Variants in AFF3 observed in about 807,000 individuals in gnomAD.
AFF3 encodes ALF transcription elongation factor 3.
In AFF3, 32 loss-of-function variants were observed where a neutral mutation model predicts 129.7. The ratio of observed to expected loss-of-function variants is 0.25; its 90% CI spans 0.19 to 0.33. AFF3 has a LOEUF of 0.33. Ranked by LOEUF, AFF3 falls within the 10% of genes least tolerant of loss-of-function variation. The pLI, the probability that AFF3 is intolerant of heterozygous loss-of-function variation, is 1.00. For missense variants in AFF3, 1,373 were observed against 1,592.0 expected, an observed-to-expected ratio of 0.86 and a Z score of 2.34; for synonymous variants, 644 against 635.4, an observed-to-expected ratio of 1.01 and a Z score of -0.20.
intron 13 of AFF3, among the ~76,000 whole-genome samples, chr2:99,617,683 T>A (rs1681574781): frequency 6.6e-6 from 1 of 152,230 alleles, no homozygotes; most frequent in African/African-American, 2.4e-5. Context: ...TATTTTTCTT[T>A]TGTCACTTGT....
chr2:100,117,293 T>C (rs1316748618), intron 2 of AFF3, among the ~76,000 whole-genome samples: 1 of 152,200 alleles, frequency 6.6e-6, no homozygotes, highest in Non-Finnish European at 1.5e-5. Context: ...GCTGTCTTTC[T>C]ATCTTTTACT....
chr2:100,023,884 C>T (rs959551882), intron 4 of AFF3, among the ~76,000 whole-genome samples: 6 of 152,196 alleles, frequency 3.9e-5, no homozygotes, highest in Non-Finnish European at 5.9e-5. Flanking sequence ...TGTCATTAAA[C>T]ACTGACTTCG....
chr2:99,832,851 C>T (rs1688604838), intron 8 of AFF3, among the ~76,000 whole-genome samples: 2 of 152,222 alleles, frequency 1.3e-5, no homozygotes, highest in Middle Eastern at 3.4e-3. Context: ...TACAGTTACA[C>T]CTGGATTGAT....
intron 11 of AFF3, among the ~76,000 whole-genome samples, chr2:99,683,189 A>G (rs542337008): frequency 5.3e-5 from 8 of 152,190 alleles, no homozygotes; most frequent in Non-Finnish European, 1.2e-4. Flanking sequence ...ATTGATTTCT[A>G]TCCAGATGCT....
chr2:99,675,839 A>AT (rs2104498070), intron 11 of AFF3, among the ~76,000 whole-genome samples: 1 of 152,298 alleles, frequency 6.6e-6, no homozygotes, highest in South Asian at 2.1e-4. Flanking sequence ...CCTGGGGAAC[A>AT]TTTTTATCAT....
At chr2:99,665,187 G>C (rs759086285) in intron 12 of AFF3, among the ~76,000 whole-genome samples, 2 of 152,224 alleles carry the variant, frequency 1.3e-5, no homozygotes, top group Admixed American at 6.5e-5. Flanking sequence ...TTTGATCCCG[G>C]GTGGGATGGG....
chr2:99,873,672 G>C (rs1380500297), intron 7 of AFF3, among the ~76,000 whole-genome samples: 14 of 150,944 alleles, frequency 9.3e-5, no homozygotes, highest in Non-Finnish European at 1.5e-4. Flanking sequence ...AAGGAGATCA[G>C]ACATCATTTG....
intron 11 of AFF3, among the ~76,000 whole-genome samples, chr2:99,708,078 G>A (rs1037024864): frequency 6.6e-6 from 1 of 152,084 alleles, no homozygotes; most frequent in African/African-American, 2.4e-5. Flanking sequence ...GCATAAGTAT[G>A]TCCCAAATAT....
At chr2:99,921,946 A>G (rs1317570712) in intron 7 of AFF3, among the ~76,000 whole-genome samples, 1 of 152,218 alleles carries the variant, frequency 6.6e-6, no homozygotes, top group Non-Finnish European at 1.5e-5. Flanking sequence ...ATGGCCAATA[A>G]GCACATGAAA....
chr2:99,565,528 T>C lies in AFF3; in HGVS notation c.3078A>G (p.Lys1026=). The part of the protein sequence containing the change: ...NAMEQGPMES[K]SPYTMYSETV... ...TTTCTGAATACATCGTATAAGGAGA[T>C]TTGGATTCCATGGGGCCTTGTTCCA... The change falls in exon 20 of 25, where the codon AAA becomes AAG. Residue 1026 remains lysine (K), a synonymous_variant. Transcript: ENST00000672756. 6.2e-7 allele frequency: 1 copy of C among 1,614,200 alleles called. No homozygotes were observed. Among genetic ancestry groups the C allele is most frequent in the East Asian group, 2.2e-5 (1 of 44,888 alleles).
At chr2:100,006,067 C>T (rs1372549877) in intron 7 of AFF3, 3 of 152,218 alleles carry the variant, frequency 2.0e-5, no homozygotes, top group Non-Finnish European at 2.9e-5. Flanking sequence ...TGAGACAGGA[C>T]AGGATTTCCA....
intron 7 of AFF3, among the ~76,000 whole-genome samples, chr2:99,901,900 G>C (rs1438823628): frequency 2.0e-5 from 3 of 151,934 alleles, no homozygotes; most frequent in Non-Finnish European, 4.4e-5. Flanking sequence ...GGCATTTCAT[G>C]ACCGGTCCCA....
At chr2:99,924,485 T>A (rs1453705236) in intron 7 of AFF3, among the ~76,000 whole-genome samples, 1 of 152,210 alleles carries the variant, frequency 6.6e-6, no homozygotes, top group Non-Finnish European at 1.5e-5. Context: ...AGTTCCTCTC[T>A]AGTCCTCTCA....
At chr2:99,675,462 G>A (rs1000196098) in intron 11 of AFF3, among the ~76,000 whole-genome samples, 20 of 152,280 alleles carry the variant, frequency 1.3e-4, no homozygotes, top group African/African-American at 3.4e-4. Flanking sequence ...CAGGCTCCCC[G>A]CGGTCTGAGA....
At chr2:99,793,241 C>G (rs756650864) in intron 8 of AFF3, among the ~76,000 whole-genome samples, 2 of 152,206 alleles carry the variant, frequency 1.3e-5, no homozygotes, top group African/African-American at 4.8e-5. Context: ...CAATGTGACA[C>G]GCCTGCTCCC....
At chr2:99,766,617 A>C (rs1406480422) in intron 8 of AFF3, among the ~76,000 whole-genome samples, 1 of 152,192 alleles carries the variant, frequency 6.6e-6, no homozygotes, top group Non-Finnish European at 1.5e-5. Flanking sequence ...GAAAATATTA[A>C]AACATTCCCC....
At chr2:99,609,606 C>T (rs894583172) in intron 13 of AFF3, among the ~76,000 whole-genome samples, 1 of 152,202 alleles carries the variant, frequency 6.6e-6, no homozygotes, top group Non-Finnish European at 1.5e-5. Flanking sequence ...TATATATACA[C>T]CACATTTTCT....
chr2:99,927,814 G>A (rs908693160), intron 7 of AFF3, among the ~76,000 whole-genome samples: 10 of 152,286 alleles, frequency 6.6e-5, no homozygotes, highest in Non-Finnish European at 8.8e-5. Flanking sequence ...CCCAGAGCAC[G>A]TGGGAGACTG....
chr2:99,979,494 CTT>C (rs879636376), intron 7 of AFF3, among the ~76,000 whole-genome samples: 2 of 145,556 alleles, frequency 1.4e-5, no homozygotes, highest in African/African-American at 2.5e-5. Context: ...TTCTTTATCT[CTT>C]TTTTTTTTTT....
Sources: allele counts gnomAD v4.1 joint callset (sites outside exome capture counted in the v4.1 genomes callset), GRCh38; gene constraint gnomAD v4.1.1; transcripts MANE v1.5; gene names NCBI Gene and HGNC (gene_info 2026-07-23, HGNC 2026-07-21).